BICRA: variants seen among roughly 807,000 people sequenced by gnomAD.
BICRA encodes BRD4-interacting chromatin-remodeling complex-associated protein.
In BICRA, 31 loss-of-function variants were observed where a neutral mutation model predicts 96.9. The ratio of observed to expected loss-of-function variants is 0.32; its 90% CI spans 0.24 to 0.43. BICRA has a LOEUF of 0.43. Among genes scored for constraint, BICRA ranks in the 20% least tolerant of loss-of-function variants. The pLI, the probability that BICRA is intolerant of heterozygous loss-of-function variation, is 1.00. For missense variants in BICRA, 2,283 were observed against 2,190.3 expected (o/e 1.04, Z -0.84); for synonymous variants, 1,350 against 1,071.8 (o/e 1.26, Z -5.07).
At chr19:47,630,450 G>A (rs1048979771) in intron 1 of BICRA, among the ~76,000 whole-genome samples, 1 of 152,006 alleles carries the variant, frequency 6.6e-6, no homozygotes, top group African/African-American at 2.4e-5. Context: ...GGGATTACAG[G>A]TGTGAGCCAC....
At chr19:47,655,740 C>G (rs993309209) in intron 1 of BICRA, among the ~76,000 whole-genome samples, 2 of 150,726 alleles carry the variant, frequency 1.3e-5, no homozygotes, top group African/African-American at 4.9e-5. Context: ...CCTGTAATCC[C>G]AGCTACTCGG....
At position 47,688,225 on chromosome 19, in the gene BICRA, G is replaced by A. The variant is rs561602951; in HGVS notation, c.2284-5890G>A. On this transcript the variant is annotated intron_variant, in intron 7 of 14. Coordinates refer to ENST00000594866, the MANE Select transcript of BICRA (RefSeq NM_001394372.1). ...GGATCACCTGAGCCCAGGAGTTTGA[G>A]GTCAGCCTGAACAACATAGCGAGAT... 2.5e-3 allele frequency among the ~76,000 whole-genome samples: 373 copies of A among 152,080 alleles called. 2 individuals are homozygous for A. Among genetic ancestry groups the A allele is most frequent in the Non-Finnish European group, 4.1e-3 (276 of 67,984 alleles).
At chr19:47,681,829 C>T in intron 6 of BICRA, 147 bp from the exon 7 acceptor site, 1 of 634,424 alleles carries the variant, frequency 1.6e-6, no homozygotes. Context: ...GGGTTTCGGC[C>T]TCTGTGCCTG....
At chr19:47,632,269 CT>C (rs1369668673) in intron 1 of BICRA, among the ~76,000 whole-genome samples, 7 of 152,252 alleles carry the variant, frequency 4.6e-5, no homozygotes, top group Admixed American at 1.3e-4. Flanking sequence ...TCCAGAAAGG[CT>C]TCACCATTTT....
At chr19:47,661,396 C>T (rs1441343717) in intron 1 of BICRA, among the ~76,000 whole-genome samples, 2 of 151,868 alleles carry the variant, frequency 1.3e-5, no homozygotes, top group Non-Finnish European at 2.9e-5. Flanking sequence ...AGGTTGGACT[C>T]GTAGTTGGGG....
intron 1 of BICRA, among the ~76,000 whole-genome samples, chr19:47,614,427 G>C (rs1480574810): frequency 6.6e-6 from 1 of 152,024 alleles, no homozygotes; most frequent in Non-Finnish European, 1.5e-5. Context: ...GACCAGCCTG[G>C]CCAACATGGT....
chr19:47,612,426 T>A (rs565899333), intron 1 of BICRA, among the ~76,000 whole-genome samples: 362 of 149,526 alleles, frequency 2.4e-3, no homozygotes, highest in Admixed American at 4.2e-3. Flanking sequence ...AAAAAAAAAA[T>A]AAATAAAATA....
At chr19:47,688,355 G>A (rs930421800) in intron 7 of BICRA, among the ~76,000 whole-genome samples, 3 of 152,044 alleles carry the variant, frequency 2.0e-5, no homozygotes, top group African/African-American at 4.8e-5. Context: ...GCTAAGATGG[G>A]GGATCACTTG....
Position 47,659,685 on chromosome 19 carries a change from T to TACACACAC in BICRA, c.-107-10717_-107-10710dup, listed in dbSNP as rs10567798. ...CTGTGCAGCTGTACATGGTGGTGCATACACACACACACACACACACACACA... is the reference window on the plus strand; with the variant it reads ...CTGTGCAGCTGTACATGGTGGTGCATACACACACACACACACACACACACACACACACA... On this transcript the variant is annotated intron_variant, in intron 1 of 14. Coordinates refer to ENST00000594866, the MANE Select transcript of BICRA (RefSeq NM_001394372.1). 5.1e-3 allele frequency among the ~76,000 whole-genome samples: 678 copies of TACACACAC among 132,496 alleles called. 7 individuals carry two copies. The highest frequency in any genetic ancestry group is 7.2e-3 in the Non-Finnish European group (446 of 61,556). 86.9% of individuals were successfully genotyped at this position (132,496 alleles called of 152,430 possible).
Position 47,702,254 on chromosome 19 carries a change from A to C in BICRA, c.4522A>C (p.Ile1508Leu). The part of the protein sequence containing the change: ...TEHLQSAIDS[I>L]LNLQQAPGRT... ...GCACCTGCAGAGCGCCATCGACAGCATCCTGAACCTGCAGCAGGCCCCCGG... is the reference window on the plus strand; with the variant it reads ...GCACCTGCAGAGCGCCATCGACAGCCTCCTGAACCTGCAGCAGGCCCCCGG... Residue 1508 changes from isoleucine to leucine, a missense_variant, in exon 15 of 15, where the codon ATC (isoleucine) becomes CTC (leucine). Ile to Leu is a conservative substitution (Grantham distance 5). Transcript: ENST00000594866. 4.4e-6 allele frequency: 7 copies of C among 1,598,170 alleles called. No individual in the cohort carries two copies. Among genetic ancestry groups the C allele is most frequent in the Non-Finnish European group, 5.9e-6 (7 of 1,177,646 alleles).
At chr19:47,671,804 C>T (rs1420096235) in intron 2 of BICRA, among the ~76,000 whole-genome samples, 1 of 81,248 alleles carries the variant, frequency 1.2e-5, no homozygotes, top group Admixed American at 1.4e-4. Context: ...GGATGGGTAG[C>T]TAGATGGATG....
At chr19:47,640,647 G>A (rs1972370733) in intron 1 of BICRA, among the ~76,000 whole-genome samples, 2 of 152,134 alleles carry the variant, frequency 1.3e-5, no homozygotes, top group Admixed American at 1.3e-4. Flanking sequence ...GAGGGAATGG[G>A]GGCAGAGAGG....
chr19:47,681,915 G>A, intron 6 of BICRA, 61 bp from the exon 7 acceptor site: 1 of 1,163,206 alleles, frequency 8.6e-7, no homozygotes, highest in South Asian at 1.4e-5. Flanking sequence ...GGGGTCTCGG[G>A]TGGGGAGGTC....
At chr19:47,674,794 C>T (rs114144847) in intron 4 of BICRA, among the ~76,000 whole-genome samples, 1 of 152,146 alleles carries the variant, frequency 6.6e-6, no homozygotes, top group African/African-American at 2.4e-5. Flanking sequence ...TCCCCCAGAA[C>T]GAGTGATCCG....
At chr19:47,630,479 G>A (rs970570017) in intron 1 of BICRA, among the ~76,000 whole-genome samples, 4 of 151,918 alleles carry the variant, frequency 2.6e-5, no homozygotes. Flanking sequence ...GCCTATATTG[G>A]CTAATTCTAG....
chr19:47,693,755 C>T (rs1457736819), intron 7 of BICRA, among the ~76,000 whole-genome samples: 1 of 152,184 alleles, frequency 6.6e-6, no homozygotes, highest in Admixed American at 6.5e-5. Flanking sequence ...CTGCTGCCAC[C>T]GCCACCACTG....
Position 47,701,215 on chromosome 19 carries a change from G to A in BICRA, c.3596-113G>A, listed in dbSNP as rs1322684939. 1.4e-6 allele frequency: 1 copy of A among 715,798 alleles called. No individual in the cohort carries two copies. The highest frequency in any genetic ancestry group is 1.6e-5 in the South Asian group (1 of 64,022). 44.3% of individuals were successfully genotyped at this position (715,798 alleles called of 1,614,324 possible). On this transcript the variant is annotated intron_variant, in intron 14 of 14. Transcript: ENST00000594866. The surrounding 1 kb of genome is among the most constrained non-coding windows in gnomAD (Gnocchi z 5.4). ...CTATCCTGAGGATTGGAGGGTCCAG[G>A]GTGCAGTCTGGTGCCTGGCAGGTAG...
chr19:47,647,599 G>A (rs1972478978), intron 1 of BICRA, among the ~76,000 whole-genome samples: 1 of 151,960 alleles, frequency 6.6e-6, no homozygotes, highest in African/African-American at 2.4e-5. Flanking sequence ...ATGATCTGTG[G>A]GCTCCTCTCT....
intron 1 of BICRA, among the ~76,000 whole-genome samples, chr19:47,655,130 C>G (rs1398272952): frequency 6.6e-6 from 1 of 152,180 alleles, no homozygotes; most frequent in East Asian, 1.9e-4. Context: ...CAACGCCACA[C>G]CCTGCTTTCT....
Sources: allele counts gnomAD v4.1 joint callset (sites outside exome capture counted in the v4.1 genomes callset), GRCh38; gene constraint gnomAD v4.1.1; non-coding constraint Gnocchi (gnomAD v3.1); transcripts MANE v1.5; gene names NCBI Gene and HGNC (gene_info 2026-07-23, HGNC 2026-07-21).